The following CD109 variants were observed in gnomAD, a reference collection of about 807,000 sequenced individuals.
CD109 encodes the protein CD109 antigen.
In CD109, 149 loss-of-function variants were observed where a neutral mutation model predicts 165.8. That is an observed-to-expected ratio of 0.90 (90% CI 0.79 to 1.03). The LOEUF (loss-of-function observed/expected upper bound fraction) is 1.03, where lower values mean the gene tolerates loss of function less well. CD109 is among the 50% of genes least tolerant of loss of function. CD109 has a pLI of 0.00. For synonymous variants in CD109, 585 were observed against 592.1 expected (o/e 0.99, Z 0.18); for missense variants, 1,712 against 1,677.8 (o/e 1.02, Z -0.36).
chr6:73,711,119 T>C (rs961649546), intron 2 of CD109, among the ~76,000 whole-genome samples: 1 of 152,224 alleles, frequency 6.6e-6, no homozygotes, highest in African/African-American at 2.4e-5. Context: ...CCATTAAAAA[T>C]GCCCTGTACA....
chr6:73,720,623 CATAA>C (rs1439106641), intron 2 of CD109, among the ~76,000 whole-genome samples: 3 of 151,920 alleles, frequency 2.0e-5, no homozygotes, highest in African/African-American at 7.3e-5. Context: ...TGTCGCATAC[CATAA>C]ATATATTCAA....
rs1772028157 is a variant in CD109 at position 73,723,280 on chromosome 6, G to A, written c.276+1G>A. ...TTTTAAGACACTTACTCTTCCATCA[G>A]TAAGTATCCATTTAAAAAATTTGGT... On this transcript the variant is annotated splice_donor_variant, in intron 3 of 32. Coordinates refer to ENST00000287097, the MANE Select transcript of CD109 (RefSeq NM_133493.5). LOFTEE classifies it high-confidence loss of function. 1 of 1,610,580 alleles carries A rather than the reference G, an allele frequency of 6.2e-7. No homozygotes were observed. The highest frequency in any genetic ancestry group is 8.5e-7 in the Non-Finnish European group (1 of 1,178,352).
chr6:73,733,853 T>C (rs1032771867), intron 4 of CD109, among the ~76,000 whole-genome samples: 1 of 152,200 alleles, frequency 6.6e-6, no homozygotes, highest in Non-Finnish European at 1.5e-5. Context: ...GAAATAGTCC[T>C]CACAGACATA....
At chr6:73,696,176 TC>T (rs1310920839), upstream of CD109, 1 of 1,537,368 alleles carries the variant, frequency 6.5e-7, no homozygotes, top group Admixed American at 2.0e-5. Context: ...CCCGCGAACT[TC>T]CCCGGCAGCG....
intron 2 of CD109, among the ~76,000 whole-genome samples, chr6:73,704,532 GTGC>G (rs1488211123): frequency 2.0e-5 from 3 of 152,188 alleles, no homozygotes; most frequent in Non-Finnish European, 4.4e-5. Context: ...AGTTAAACAT[GTGC>G]TGCTCCTCTT....
intron 30 of CD109, among the ~76,000 whole-genome samples, chr6:73,815,941 T>C (rs188985712): frequency 4.5e-4 from 68 of 152,318 alleles, no homozygotes; most frequent in African/African-American, 1.2e-3. Flanking sequence ...CTGTTTGCTC[T>C]TCTAAAATAT....
At chr6:73,792,397 A>G (rs1374575968) in intron 22 of CD109, among the ~76,000 whole-genome samples, 1 of 152,212 alleles carries the variant, frequency 6.6e-6, no homozygotes, top group Non-Finnish European at 1.5e-5. Flanking sequence ...CTGAGCTAAA[A>G]ATGTCCTCTT....
intron 15 of CD109, among the ~76,000 whole-genome samples, chr6:73,778,485 A>AGG (rs1774348207): frequency 2.0e-5 from 3 of 152,130 alleles, no homozygotes; most frequent in Admixed American, 1.3e-4. Flanking sequence ...TCTTGTGCTG[A>AGG]TAACCACTGT....
chr6:73,790,873 A>G (rs1582164292), intron 22 of CD109, among the ~76,000 whole-genome samples: 1 of 151,938 alleles, frequency 6.6e-6, no homozygotes, highest in African/African-American at 2.4e-5. Flanking sequence ...TAATCTAGGC[A>G]CCCCTTGGCT....
chr6:73,706,545 T>A (rs142979973), intron 2 of CD109, among the ~76,000 whole-genome samples: 18 of 152,308 alleles, frequency 1.2e-4, no homozygotes, highest in African/African-American at 4.1e-4. Context: ...ATAAAACTTG[T>A]CTAGGAGGAT....
chr6:73,819,497 A>C (rs1021992249), intron 31 of CD109, among the ~76,000 whole-genome samples: 3 of 152,210 alleles, frequency 2.0e-5, no homozygotes, highest in African/African-American at 7.2e-5. Flanking sequence ...TAAGGATTTC[A>C]TATTACATGG....
At position 73,792,769 on chromosome 6, in the gene CD109, T is replaced by C; in HGVS notation, c.2845T>C (p.Leu949=). Residue 949 remains leucine (L), a synonymous_variant, in exon 23 of 33, where the codon TTG becomes CTG. Coordinates refer to ENST00000287097, the MANE Select transcript of CD109 (RefSeq NM_133493.5). ...TAAAAAGAAACAACTGACAGATAAT[T>C]TGAAAGAAAAAGCTCTTTCATTTAT... ...LTKKKQLTDN[L]KEKALSFMRQ... is the part of the protein sequence containing the mutation. 6.2e-7 allele frequency: 1 copy of C among 1,610,802 alleles called. No homozygotes were observed. The highest frequency in any genetic ancestry group is 8.5e-7 in the Non-Finnish European group (1 of 1,179,538).
At chr6:73,774,522 A>AG (rs1774168200) in intron 15 of CD109, among the ~76,000 whole-genome samples, 1 of 152,160 alleles carries the variant, frequency 6.6e-6, no homozygotes, top group Admixed American at 6.6e-5. Flanking sequence ...TGAATGCTTG[A>AG]GGGACATGGG....
In CD109 at chr6:73,787,371, A is replaced by T. The variant is rs1237026919; in HGVS notation, c.2475A>T (p.Thr825=). 1 of 1,614,104 alleles carries T rather than the reference A, an allele frequency of 6.2e-7. No individual in the cohort carries two copies. The highest frequency in any genetic ancestry group is 1.3e-5 in the African/African-American group (1 of 75,026). ...GATVLFPIRP[T]HLGEIPITVT... ...CTGTTCTTTTTCCCATCAGGCCAAC[A>T]CATCTGGGAGAAATTCCTATCACAG... is the stretch of plus-strand genomic sequence containing the variant. Residue 825 remains threonine, a synonymous_variant, in exon 21 of 33, where the codon ACA becomes ACT. Coordinates refer to ENST00000287097, the MANE Select transcript of CD109 (RefSeq NM_133493.5).
intron 23 of CD109, among the ~76,000 whole-genome samples, chr6:73,802,285 G>GTATA (rs1386422247): frequency 3.3e-4 from 33 of 99,612 alleles, no homozygotes; most frequent in Non-Finnish European, 5.6e-4. Context: ...GTGTGTGTGT[G>GTATA]TGTGTATATA....
chr6:73,692,305 AGAT>A (rs1348466839), upstream of CD109, among the ~76,000 whole-genome samples: 2 of 152,202 alleles, frequency 1.3e-5, no homozygotes, highest in Admixed American at 6.5e-5. Context: ...CAATAAGCAT[AGAT>A]GATATTTTTG....
At chr6:73,748,834 A>C (rs575388397) in intron 5 of CD109, among the ~76,000 whole-genome samples, 3 of 152,314 alleles carry the variant, frequency 2.0e-5, no homozygotes, top group Non-Finnish European at 4.4e-5. Context: ...AATGTTAATA[A>C]ACATTTTCTC....
In CD109 at chr6:73,811,785, G is replaced by A. The variant is rs34031193; in HGVS notation, c.3703-420G>A. 8.8e-3 allele frequency among the ~76,000 whole-genome samples: 1,333 copies of A among 152,312 alleles called. 10 individuals carry two copies. Among genetic ancestry groups the A allele is most frequent in the Non-Finnish European group, 0.013 (891 of 68,012 alleles). On this transcript the variant is annotated intron_variant, in intron 28 of 32. Coordinates refer to ENST00000287097, the MANE Select transcript of CD109 (RefSeq NM_133493.5). ...AACTTCAATTCTGGAAAGTGATGAA[G>A]AGTGGTGATGATAAAGGAAAAGAAA...
chr6:73,721,689 A>G (rs1285535709), intron 2 of CD109, among the ~76,000 whole-genome samples: 1 of 151,832 alleles, frequency 6.6e-6, no homozygotes, highest in Non-Finnish European at 1.5e-5. Flanking sequence ...CTATTATTTT[A>G]TTAAGCAAAG....
Sources: gnomAD v4.1 joint callset for allele counts (sites outside exome capture counted in the v4.1 genomes callset) on GRCh38, gnomAD v4.1.1 for gene constraint, MANE v1.5 for transcripts, NCBI Gene and HGNC (gene_info 2026-07-23, HGNC 2026-07-21) for gene names.